The following NAALADL2 variants were observed in gnomAD, a reference collection of about 807,000 sequenced individuals.
NAALADL2 encodes N-acetylated alpha-linked acidic dipeptidase like 2.
A neutral mutation model predicts 87.2 loss-of-function variants in NAALADL2; 76 were observed. The observed-to-expected ratio is 0.87, with a 90% CI of 0.72 to 1.05. The LOEUF is 1.05. Among genes scored for constraint, NAALADL2 ranks in the 50% least tolerant of loss-of-function variants. The probability of loss-of-function intolerance (pLI) is 0.00; values close to 1 mark genes in which losing one functional copy is unlikely to be tolerated. For missense variants in NAALADL2, 1,089 were observed against 945.8 expected (o/e 1.15, Z -1.99); for synonymous variants, 354 against 331.0 (o/e 1.07, Z -0.75).
intron 3 of NAALADL2, among the ~76,000 whole-genome samples, chr3:174,797,298 C>CG (rs1718220395): frequency 1.0e-5 from 1 of 97,728 alleles, no homozygotes; most frequent in African/African-American, 4.7e-5. Context: ...TTTTGTTTTT[C>CG]TTTTTTCTTT....
intron 5 of NAALADL2, among the ~76,000 whole-genome samples, chr3:175,441,537 A>G (rs1719761844): frequency 6.6e-6 from 1 of 152,126 alleles, no homozygotes; most frequent in Non-Finnish European, 1.5e-5. Context: ...ATTCTGATTC[A>G]GAAGACCTGG....
chr3:175,324,282 G>A lies in NAALADL2; in HGVS notation c.1047G>A (p.Leu349=). ...NPSHDTFMVS[L]NPGGDPSTPG... ...GCCATGATACCTTCATGGTGTCACT[G>A]AATCCAGGAGGAGACCCTTCTACGC... is the stretch of plus-strand genomic sequence containing the variant. The change falls in exon 5 of 14, where the codon CTG becomes CTA. Residue 349 remains leucine, a synonymous_variant. Transcript: ENST00000454872. 1.9e-6 allele frequency: 3 copies of A among 1,613,674 alleles called. No homozygotes were observed. Among genetic ancestry groups the A allele is most frequent in the African/African-American group, 2.7e-5 (2 of 75,004 alleles).
intron 5 of NAALADL2, among the ~76,000 whole-genome samples, chr3:175,421,362 C>T (rs1715668562): frequency 6.6e-6 from 1 of 152,054 alleles, no homozygotes; most frequent in Admixed American, 6.6e-5. Flanking sequence ...CCACTCCAGA[C>T]CTTGTGAATC....
At chr3:175,161,918 C>T (rs533746218) in intron 2 of NAALADL2, among the ~76,000 whole-genome samples, 2 of 152,210 alleles carry the variant, frequency 1.3e-5, no homozygotes, top group Non-Finnish European at 2.9e-5. Flanking sequence ...TTTCTCATAA[C>T]CTGAACTTCT....
At chr3:174,632,618 AT>A (rs1021598172) in intron 2 of NAALADL2, among the ~76,000 whole-genome samples, 2 of 152,038 alleles carry the variant, frequency 1.3e-5, no homozygotes, top group Non-Finnish European at 2.9e-5. Flanking sequence ...GAACAATAAC[AT>A]TTAATGCTGA....
At chr3:175,664,794 TGAA>T (rs1021742399) in intron 11 of NAALADL2, among the ~76,000 whole-genome samples, 74 of 152,290 alleles carry the variant, frequency 4.9e-4, no homozygotes, top group African/African-American at 1.8e-3. Context: ...GAATTTTAGA[TGAA>T]GAGGAAAAAA....
At chr3:175,066,213 T>C (rs1057226389) in intron 1 of NAALADL2, among the ~76,000 whole-genome samples, 1 of 152,118 alleles carries the variant, frequency 6.6e-6, no homozygotes, top group Non-Finnish European at 1.5e-5. Flanking sequence ...ACACGAGTTA[T>C]AGTAACCACA....
chr3:175,502,833 T>C (rs1483846632), intron 9 of NAALADL2, among the ~76,000 whole-genome samples: 3 of 152,276 alleles, frequency 2.0e-5, no homozygotes, highest in Non-Finnish European at 2.9e-5. Context: ...TCATGAATTA[T>C]ACCTCAAATC....
rs1754421584 is a variant in NAALADL2, at chr3:175,803,358, GA to G, written c.*158del. 2.2e-6 allele frequency: 1 copy of G among 452,304 alleles called. No homozygotes were observed. The highest frequency in any genetic ancestry group is 6.2e-5 in the South Asian group (1 of 16,172). 28.0% of individuals were successfully genotyped at this position (452,304 alleles called of 1,614,324 possible). On this transcript the variant is annotated 3_prime_UTR_variant, in exon 14 of 14. Transcript: ENST00000454872. ...ATTGTATTTTTTAAATGTAAATATA[GA>G]AAGAACATTTTGCACATTTAATATT...
At chr3:175,193,825 C>T (rs761387773) in intron 2 of NAALADL2, among the ~76,000 whole-genome samples, 4 of 151,628 alleles carry the variant, frequency 2.6e-5, no homozygotes, top group African/African-American at 9.7e-5. Context: ...AAGCACTGGA[C>T]GTTAAGCAAA....
chr3:174,746,590 T>G (rs1046198988), intron 3 of NAALADL2, among the ~76,000 whole-genome samples: 2 of 151,380 alleles, frequency 1.3e-5, no homozygotes, highest in Admixed American at 6.6e-5. Flanking sequence ...GCTTTAAAAT[T>G]TATATAAAAC....
At chr3:174,893,396 G>A (rs918691827) in intron 1 of NAALADL2, among the ~76,000 whole-genome samples, 4 of 151,040 alleles carry the variant, frequency 2.6e-5, no homozygotes, top group Non-Finnish European at 5.9e-5. Context: ...AGCAAAACAC[G>A]GACTATGATA....
At chr3:175,788,513 C>T (rs1454608985) in intron 13 of NAALADL2, among the ~76,000 whole-genome samples, 1 of 152,020 alleles carries the variant, frequency 6.6e-6, no homozygotes, top group African/African-American at 2.4e-5. Flanking sequence ...CAGGTTTGTA[C>T]TGTACAGGTT....
intron 2 of NAALADL2, among the ~76,000 whole-genome samples, chr3:174,609,209 A>T (rs1719492104): frequency 6.6e-6 from 1 of 152,342 alleles, no homozygotes; most frequent in Admixed American, 6.5e-5. Context: ...CCAATATCAT[A>T]TTGAATGGGC....
chr3:175,591,922 G>A (rs1392627486), intron 10 of NAALADL2, among the ~76,000 whole-genome samples: 2 of 151,452 alleles, frequency 1.3e-5, no homozygotes, highest in African/African-American at 2.4e-5. Flanking sequence ...TAAACCTCAA[G>A]AGTAATATAG....
At chr3:174,864,522 C>T (rs1347830790) in intron 1 of NAALADL2, among the ~76,000 whole-genome samples, 1 of 151,962 alleles carries the variant, frequency 6.6e-6, no homozygotes, top group Non-Finnish European at 1.5e-5. Flanking sequence ...TTTTACATTT[C>T]AATTAAAGTC....
chr3:175,611,461 A>G (rs958866962), intron 10 of NAALADL2, among the ~76,000 whole-genome samples: 28 of 152,114 alleles, frequency 1.8e-4, no homozygotes, highest in African/African-American at 6.3e-4. Context: ...CCATTGAGAG[A>G]CCTGAGGGCA....
At chr3:174,928,672 C>T (rs985045329) in intron 1 of NAALADL2, among the ~76,000 whole-genome samples, 8 of 152,160 alleles carry the variant, frequency 5.3e-5, no homozygotes, top group South Asian at 2.1e-4. Flanking sequence ...AATTCTCTCA[C>T]AGCCAATTTT....
intron 3 of NAALADL2, among the ~76,000 whole-genome samples, chr3:175,243,749 C>A (rs2109656078): frequency 6.6e-6 from 1 of 151,834 alleles, no homozygotes; most frequent in South Asian, 2.1e-4. Context: ...TCATCTACGG[C>A]CACAGAAGCT....
Sources: gnomAD v4.1 joint callset for allele counts (sites outside exome capture counted in the v4.1 genomes callset) on GRCh38, gnomAD v4.1.1 for gene constraint, MANE v1.5 for transcripts, NCBI Gene and HGNC (gene_info 2026-07-23, HGNC 2026-07-21) for gene names.